The following PITPNM2 variants were observed in gnomAD, a reference collection of about 807,000 sequenced individuals.
PITPNM2 encodes phosphatidylinositol transfer protein membrane associated 2.
A neutral mutation model predicts 132.2 loss-of-function variants in PITPNM2; 35 were observed. The observed-to-expected ratio is 0.26, with a 90% CI of 0.20 to 0.35. The LOEUF is 0.35. Among genes scored for constraint, PITPNM2 ranks in the 10% least tolerant of loss-of-function variants. PITPNM2 has a pLI of 1.00. For synonymous variants in PITPNM2, 738 were observed against 799.2 expected (o/e 0.92, Z 1.29); for missense variants, 1,332 against 1,912.0 (o/e 0.70, Z 5.66).
intron 2 of PITPNM2, among the ~76,000 whole-genome samples, chr12:123,044,234 G>A (rs565677435): frequency 4.0e-4 from 61 of 152,264 alleles, no homozygotes; most frequent in Middle Eastern, 3.4e-3. Flanking sequence ...TCTCACTCCT[G>A]GTCACCTCCC....
chr12:123,066,511 G>C (rs886243671), intron 2 of PITPNM2, among the ~76,000 whole-genome samples: 2 of 152,188 alleles, frequency 1.3e-5, no homozygotes, highest in Non-Finnish European at 2.9e-5. Flanking sequence ...CCCCACAGCT[G>C]TTGGGGGTGG....
At chr12:122,988,133 A>C (rs917322366) in intron 20 of PITPNM2, 101 bp downstream of exon 20, 2 of 1,084,690 alleles carry the variant, frequency 1.8e-6, no homozygotes, top group East Asian at 2.4e-5. Context: ...GGGAAGGTAC[A>C]TAAGACTGCA....
chr12:123,014,559 C>A (rs191863695), intron 3 of PITPNM2, among the ~76,000 whole-genome samples: 2 of 152,168 alleles, frequency 1.3e-5, no homozygotes, highest in East Asian at 3.9e-4. Flanking sequence ...GAAAAATTAG[C>A]CAGGCATGTG....
Position 122,994,660 on chromosome 12 carries a change from G to C in PITPNM2, c.2233+141C>G. On this transcript the variant is annotated intron_variant, in intron 15 of 25. Transcript: ENST00000320201. This position sits in a 1 kb window ranked among gnomAD's most constrained non-coding sequence, Gnocchi z 5.4. ...CTGAAGCAGGAGCAGAGGATAGCAA[G>C]GGGCCCTTGGTGGGGAAGACAGGAA... 1.1e-6 allele frequency: 1 copy of C among 951,984 alleles called. No homozygotes were observed. Among genetic ancestry groups the C allele is most frequent in the Non-Finnish European group, 1.5e-6 (1 of 664,278 alleles). The allele number at this position is 951,984 out of a possible 1,614,324, so 59.0% of individuals were successfully genotyped here. A position where few individuals can be genotyped will look rare whatever the true frequency, so the allele number is the denominator to read the frequency against.
At chr12:123,087,135 T>C (rs1426339219) in intron 2 of PITPNM2, 1 of 152,234 alleles carries the variant, frequency 6.6e-6, no homozygotes, top group African/African-American at 2.4e-5. Flanking sequence ...GGACTAGAAA[T>C]AGCGGGCCCT....
chr12:123,025,115 G>A (rs970869113), intron 3 of PITPNM2, among the ~76,000 whole-genome samples: 1 of 152,176 alleles, frequency 6.6e-6, no homozygotes, highest in Non-Finnish European at 1.5e-5. Context: ...CCTCATGTTT[G>A]AGGCAGTGGC....
chr12:122,989,999 G>A, intron 17 of PITPNM2, 51 bp from the exon 18 acceptor site: 1 of 1,275,408 alleles, frequency 7.8e-7, no homozygotes. Context: ...TGACCGCACT[G>A]CCACGTCTAC....
At chr12:123,018,929 G>A (rs1012421445) in intron 3 of PITPNM2, among the ~76,000 whole-genome samples, 1 of 151,678 alleles carries the variant, frequency 6.6e-6, no homozygotes, top group African/African-American at 2.4e-5. Flanking sequence ...GATTACAGGC[G>A]TGTGCCACCA....
chr12:123,123,797 G>A (rs1174380237), intron 1 of PITPNM2, among the ~76,000 whole-genome samples: 3 of 151,920 alleles, frequency 2.0e-5, no homozygotes, highest in African/African-American at 4.8e-5. Flanking sequence ...TTAGCCAGGT[G>A]TAGGGGGACA....
chr12:122,988,668 C>T (rs1206535089), intron 19 of PITPNM2, 56 bp downstream of exon 19: 1 of 1,497,990 alleles, frequency 6.7e-7, no homozygotes, highest in African/African-American at 1.4e-5. Context: ...GAAATGTGGC[C>T]CTGTCATGGG....
chr12:123,074,957 C>A (rs2041737442), intron 2 of PITPNM2, among the ~76,000 whole-genome samples: 1 of 152,224 alleles, frequency 6.6e-6, no homozygotes, highest in Non-Finnish European at 1.5e-5. Flanking sequence ...ATCCTGGGAA[C>A]CGTTTACATG....
At position 123,064,687 on chromosome 12, in the gene PITPNM2, A is replaced by G. The variant is rs1193285888; in HGVS notation, c.-95-30002T>C. On this transcript the variant is annotated intron_variant, in intron 2 of 25. Coordinates refer to ENST00000320201, the MANE Select transcript of PITPNM2 (RefSeq NM_020845.3). The surrounding 1 kb of genome is among the most constrained non-coding windows in gnomAD (Gnocchi z 4.0). ...GGAGGCACTGAACAGCCCCAAATAC[A>G]ACAGCAGGAACAGGAGAAAATCAGG... 6.6e-6 allele frequency among the ~76,000 whole-genome samples: 1 copy of G among 152,188 alleles called. No individual in the cohort carries two copies. Among genetic ancestry groups the G allele is most frequent in the Non-Finnish European group, 1.5e-5 (1 of 68,044 alleles).
intron 3 of PITPNM2, among the ~76,000 whole-genome samples, chr12:123,020,820 C>A (rs552085090): frequency 6.6e-6 from 1 of 151,494 alleles, no homozygotes; most frequent in Non-Finnish European, 1.5e-5. Context: ...GTCAGGAGTT[C>A]GAGACTAGCC....
intron 3 of PITPNM2, among the ~76,000 whole-genome samples, chr12:123,032,598 C>A (rs2040132493): frequency 6.6e-6 from 1 of 152,172 alleles, no homozygotes; most frequent in African/African-American, 2.4e-5. Context: ...GAGGTCAGTC[C>A]TCCCGATCTT....
chr12:123,140,196 C>T (rs547153441), intron 1 of PITPNM2, among the ~76,000 whole-genome samples: 13 of 152,304 alleles, frequency 8.5e-5, no homozygotes, highest in Non-Finnish European at 1.8e-4. Context: ...ATAACTCCTG[C>T]TAAGGGGACC....
rs903971564 is a variant in PITPNM2 at position 123,058,274 on chromosome 12, C to G, written c.-95-23589G>C. Among the ~76,000 whole-genome samples the G allele has an allele frequency of 9.8e-5, 15 of 152,290 alleles. No individual in the cohort carries two copies. In the East Asian group the frequency reaches 2.3e-3, roughly 24 times the overall value. On this transcript the variant is annotated intron_variant, in intron 2 of 25. Coordinates refer to ENST00000320201, the MANE Select transcript of PITPNM2 (RefSeq NM_020845.3). This position sits in a 1 kb window ranked among gnomAD's most constrained non-coding sequence, Gnocchi z 4.0. ...CCCTCCCCAAGAATTCCAAGTCACC[C>G]ATGGCTGAGCCATGGGAAGAACACC...
In PITPNM2 at chr12:123,010,025, T is replaced by C. The variant is rs146378709; in HGVS notation, c.468A>G (p.Glu156=). The C allele has an allele frequency of 4.0e-5, 65 of 1,614,078 alleles. 1 individual carries two copies. Among genetic ancestry groups the C allele is most frequent in the Middle Eastern group, 1.6e-4 (1 of 6,084 alleles). Residue 156 remains glutamate, a synonymous_variant, in exon 6 of 26, where the codon GAA becomes GAG. Coordinates refer to ENST00000320201, the MANE Select transcript of PITPNM2 (RefSeq NM_020845.3). ...DPVPHNEYKT[E]EDPKLFQSTK... ...TTGACTGGAACAGCTTGGGGTCCTCTTCTGTCTTATACTCGTTGTGGGGCA... is the reference window on the plus strand; with the variant it reads ...TTGACTGGAACAGCTTGGGGTCCTCCTCTGTCTTATACTCGTTGTGGGGCA...
intron 2 of PITPNM2, among the ~76,000 whole-genome samples, chr12:123,046,169 TAC>T (rs1460377263): frequency 6.6e-6 from 1 of 151,798 alleles, no homozygotes; most frequent in Non-Finnish European, 1.5e-5. Context: ...TAGGAGAAAA[TAC>T]ACAGTCTGCC....
rs965784670 is a variant in PITPNM2, at chr12:123,031,638, C to T, written c.78+2875G>A. Among the ~76,000 whole-genome samples, 4 of 152,104 alleles carry T rather than the reference C, an allele frequency of 2.6e-5. No individual in the cohort carries two copies. Among genetic ancestry groups the T allele is most frequent in the Non-Finnish European group, 5.9e-5 (4 of 68,020 alleles). On this transcript the variant is annotated intron_variant, in intron 3 of 25. Coordinates refer to ENST00000320201, the MANE Select transcript of PITPNM2 (RefSeq NM_020845.3). The surrounding 1 kb of genome is among the most constrained non-coding windows in gnomAD (Gnocchi z 4.5). Reference sequence around the variant, plus strand: ...CCCTGCCCATCACCAAGCTGTCTATCCGACACCCCCAGCCTCAAGGCCTGC... The same window carrying T: ...CCCTGCCCATCACCAAGCTGTCTATTCGACACCCCCAGCCTCAAGGCCTGC...
Sources: allele counts gnomAD v4.1 joint callset (sites outside exome capture counted in the v4.1 genomes callset), GRCh38; gene constraint gnomAD v4.1.1; non-coding constraint Gnocchi (gnomAD v3.1); transcripts MANE v1.5; gene names NCBI Gene and HGNC (gene_info 2026-07-23, HGNC 2026-07-21).